SLC25A26: variants seen among roughly 807,000 people sequenced by gnomAD.
SLC25A26 encodes mitochondrial S-adenosylmethionine carrier protein.
SLC25A26 carries 36 observed loss-of-function variants against 37.8 expected under a neutral mutation model. The observed-to-expected ratio is 0.95, with a 90% CI of 0.73 to 1.26. The LOEUF (loss-of-function observed/expected upper bound fraction) is 1.26. Ranked by LOEUF, SLC25A26 falls within the 50% of genes most tolerant of loss-of-function variation. SLC25A26 has a pLI of 0.00. For synonymous variants in SLC25A26, 129 were observed against 122.5 expected, an observed-to-expected ratio of 1.05 and a Z score of -0.35; for missense variants, 390 against 331.1, an observed-to-expected ratio of 1.18 and a Z score of -1.38.
At chr3:66,246,394 G>A (rs1295985346) in intron 3 of SLC25A26, among the ~76,000 whole-genome samples, 5 of 152,162 alleles carry the variant, frequency 3.3e-5, no homozygotes, top group Non-Finnish European at 7.3e-5. Flanking sequence ...GATATAATAG[G>A]TAGGGCATAT....
chr3:66,251,326 A>T, intron 3 of SLC25A26, among the ~76,000 whole-genome samples: 1 of 152,232 alleles, frequency 6.6e-6, no homozygotes, highest in South Asian at 2.1e-4. Flanking sequence ...GCAGAGGGAG[A>T]GAGTGAGTTC....
intron 9 of SLC25A26, among the ~76,000 whole-genome samples, 181 bp from the exon 10 acceptor site, chr3:66,377,509 G>C (rs1700740009): frequency 6.6e-6 from 1 of 151,926 alleles, no homozygotes; most frequent in African/African-American, 2.4e-5. Context: ...AAAATGGCAT[G>C]AAAGTTTTAG....
rs114258769 is a variant in SLC25A26, at chr3:66,295,109, A to G, written c.453+31730A>G. On this transcript the variant is annotated intron_variant, in intron 5 of 9. Coordinates refer to ENST00000354883, the MANE Select transcript of SLC25A26 (RefSeq NM_001379210.1). ...AAAACCCCAAAACAGTTTACAACCT[A>G]TTTTGTAACTCAGAGGATGTTAAAC... 4.6e-5 allele frequency among the ~76,000 whole-genome samples: 7 copies of G among 152,276 alleles called. No homozygotes were observed. In the East Asian group the frequency reaches 5.8e-4, roughly 13 times the overall value.
chr3:66,202,009 A>G (rs2071117164), intron 1 of SLC25A26, among the ~76,000 whole-genome samples: 2 of 152,200 alleles, frequency 1.3e-5, no homozygotes, highest in Non-Finnish European at 2.9e-5. Context: ...TAAGAAAGAA[A>G]AAAATGATAT....
At chr3:66,373,408 T>C (rs897474068) in intron 9 of SLC25A26, among the ~76,000 whole-genome samples, 1 of 152,190 alleles carries the variant, frequency 6.6e-6, no homozygotes, top group African/African-American at 2.4e-5. Flanking sequence ...ATAAACTGCT[T>C]CCATCTGTGT....
chr3:66,368,245 CT>C (rs1457007545), intron 7 of SLC25A26, among the ~76,000 whole-genome samples: 3 of 152,206 alleles, frequency 2.0e-5, no homozygotes, highest in Non-Finnish European at 4.4e-5. Flanking sequence ...CTCTTTACCC[CT>C]AGCTCATGGA....
chr3:66,244,936 C>T (rs36114001), intron 3 of SLC25A26, among the ~76,000 whole-genome samples: 25,708 of 151,940 alleles, frequency 0.17, 2,725 homozygotes, highest in Non-Finnish European at 0.24. Flanking sequence ...GAGATCAAGC[C>T]GCTGCACTCC....
At chr3:66,194,572 A>G (rs1320605852) in intron 1 of SLC25A26, among the ~76,000 whole-genome samples, 2 of 152,160 alleles carry the variant, frequency 1.3e-5, no homozygotes, top group East Asian at 3.9e-4. Context: ...CATATCTAAA[A>G]TCAACCCTCT....
intron 1 of SLC25A26, among the ~76,000 whole-genome samples, chr3:66,161,857 G>A (rs539685171): frequency 1.8e-4 from 27 of 152,232 alleles, no homozygotes; most frequent in African/African-American, 6.3e-4. Flanking sequence ...ACACTAAGAT[G>A]AAGACAGACC....
chr3:66,225,247 C>A (rs2071687751), intron 1 of SLC25A26, among the ~76,000 whole-genome samples: 1 of 152,198 alleles, frequency 6.6e-6, no homozygotes, highest in Admixed American at 6.5e-5. Context: ...GCCTGGACAT[C>A]CCGACGTTTC....
chr3:66,239,357 T>G (rs950393537), intron 2 of SLC25A26, among the ~76,000 whole-genome samples: 3 of 152,180 alleles, frequency 2.0e-5, no homozygotes, highest in Non-Finnish European at 4.4e-5. Flanking sequence ...ACTTCTCTTC[T>G]TACTGATAAA....
At chr3:66,331,511 T>G (rs879926967) in intron 5 of SLC25A26, among the ~76,000 whole-genome samples, 5 of 152,230 alleles carry the variant, frequency 3.3e-5, no homozygotes, top group Non-Finnish European at 5.9e-5. Flanking sequence ...GTGTGTGTGT[T>G]TTTTAAACAG....
At chr3:66,275,167 G>T (rs1000859290) in intron 5 of SLC25A26, among the ~76,000 whole-genome samples, 23 of 147,834 alleles carry the variant, frequency 1.6e-4, no homozygotes, top group African/African-American at 4.7e-4. Flanking sequence ...AACCAAACAC[G>T]GCATGTTCTC....
At chr3:66,239,029 G>A (rs782601602) in intron 2 of SLC25A26, among the ~76,000 whole-genome samples, 12 of 152,120 alleles carry the variant, frequency 7.9e-5, no homozygotes, top group Non-Finnish European at 1.2e-4. Context: ...TTGTATAGAA[G>A]GGTCCTTGTC....
chr3:66,147,972 T>C (rs1301245957), intron 1 of SLC25A26, among the ~76,000 whole-genome samples: 2 of 152,156 alleles, frequency 1.3e-5, no homozygotes, highest in Non-Finnish European at 2.9e-5. Context: ...TCGGCCAGGC[T>C]GGTCTGGAAC....
intron 5 of SLC25A26, among the ~76,000 whole-genome samples, chr3:66,298,595 G>A (rs1391302234): frequency 2.6e-5 from 4 of 152,060 alleles, no homozygotes; most frequent in Non-Finnish European, 5.9e-5. Flanking sequence ...AGCATTTAAG[G>A]GGCACAGCAG....
At chr3:66,159,377 T>C (rs1036970822) in intron 1 of SLC25A26, among the ~76,000 whole-genome samples, 2 of 152,232 alleles carry the variant, frequency 1.3e-5, no homozygotes, top group African/African-American at 4.8e-5. Flanking sequence ...CCAAGCCTGG[T>C]GTTTTTCATT....
At chr3:66,220,768 C>T, upstream of SLC25A26, 1 of 445,244 alleles carries the variant, frequency 2.2e-6, no homozygotes, top group Non-Finnish European at 4.0e-6. Flanking sequence ...CCTCATTCTA[C>T]CGCTGCTCTC....
intron 3 of SLC25A26, among the ~76,000 whole-genome samples, chr3:66,246,364 A>T (rs1482035): frequency 0.47 from 72,142 of 151,996 alleles, 19,108 homozygotes; most frequent in African/African-American, 0.71. Flanking sequence ...ATAAACTTTC[A>T]GTCCAAAAAA....
Sources: allele counts gnomAD v4.1 joint callset (sites outside exome capture counted in the v4.1 genomes callset), GRCh38; gene constraint gnomAD v4.1.1; transcripts MANE v1.5; gene names NCBI Gene and HGNC (gene_info 2026-07-23, HGNC 2026-07-21).